Variants in PCBP2 observed in about 807,000 individuals in gnomAD.
PCBP2 encodes poly(rC)-binding protein 2.
Under a neutral mutation model 50.1 loss-of-function variants are expected in PCBP2, and 4 were observed. The observed-to-expected ratio is 0.08, with a 90% CI of 0.04 to 0.18. The LOEUF is 0.18. Ranked by LOEUF, PCBP2 falls within the 10% of genes least tolerant of loss-of-function variation. PCBP2 has a pLI of 1.00. For missense variants in PCBP2, 161 were observed against 474.3 expected (o/e 0.34, Z 6.14); for synonymous variants, 179 against 168.0 (o/e 1.07, Z -0.51).
Position 53,466,860 on chromosome 12 carries a change from GCA to G in PCBP2, c.715-358_715-357del, listed in dbSNP as rs529694002. Among the ~76,000 whole-genome samples the G allele has an allele frequency of 7.2e-5, 11 of 152,038 alleles. No homozygotes were observed. In the South Asian group the frequency reaches 2.3e-3, roughly 32 times the overall value. On this transcript the variant is annotated intron_variant, in intron 10 of 14. Transcript: ENST00000546463. ...ATGGTGTGTTTTCCCTAGCACCACTGCACAGTTTGTTTACCTAGCCTGTCTGT... is the reference window on the plus strand; with the variant it reads ...ATGGTGTGTTTTCCCTAGCACCACTGCAGTTTGTTTACCTAGCCTGTCTGT...
chr12:53,470,239 G>A (rs1592673357), intron 13 of PCBP2, among the ~76,000 whole-genome samples: 1 of 151,792 alleles, frequency 6.6e-6, no homozygotes, highest in East Asian at 2.0e-4. Flanking sequence ...TTAGCCAGGT[G>A]TGCTGGCCCG....
chr12:53,454,921 A>C, intron 2 of PCBP2, 52 bp downstream of exon 2: 2 of 1,441,508 alleles, frequency 1.4e-6, no homozygotes, highest in Non-Finnish European at 2.0e-6. Flanking sequence ...GGGAGGGGCC[A>C]GGAAGAGCAG....
intron 6 of PCBP2, chr12:53,460,398 G>GGTCCT: frequency 2.5e-6 from 1 of 393,342 alleles, no homozygotes; most frequent in Non-Finnish European, 5.2e-6. Flanking sequence ...CGACTGCCTT[G>GGTCCT]GTCTCCCAAA....
At chr12:53,454,260 A>C (rs1415965471) in intron 1 of PCBP2, 1 of 153,194 alleles carries the variant, frequency 6.5e-6, no homozygotes, top group Non-Finnish European at 1.5e-5. Context: ...CCTTATCTAC[A>C]AATTGCTACT....
In PCBP2 at chr12:53,469,867, G is replaced by A. The variant is rs746493537; in HGVS notation, c.882+1035G>A. ...AGCAATTTTCCTGCCCCAGCCTCCC[G>A]AGTAGATGGGACTACAGGCATGTGC... On this transcript the variant is annotated intron_variant, in intron 13 of 14. Coordinates refer to ENST00000546463, the MANE Select transcript of PCBP2 (RefSeq NM_031989.5). Among the ~76,000 whole-genome samples, 35 of 140,718 alleles carry A rather than the reference G, an allele frequency of 2.5e-4. 1 individual carries two copies. Among genetic ancestry groups the A allele is most frequent in the Middle Eastern group, 4.0e-3 (1 of 250 alleles). 92.3% of individuals were successfully genotyped at this position (140,718 alleles called of 152,430 possible).
At chr12:53,464,987 A>T in intron 9 of PCBP2, 135 bp downstream of exon 9, 1 of 1,068,000 alleles carries the variant, frequency 9.4e-7, no homozygotes. Context: ...ACCTGGACTG[A>T]CCCCCCCAAC....
chr12:53,461,751 C>A (rs1316606833), intron 7 of PCBP2, among the ~76,000 whole-genome samples: 1 of 151,974 alleles, frequency 6.6e-6, no homozygotes, highest in Non-Finnish European at 1.5e-5. Context: ...ACTTTGTCAC[C>A]CAGACTGGAG....
chr12:53,456,027 C>T (rs1340941350), intron 5 of PCBP2, 26 bp downstream of exon 5: 20 of 1,354,000 alleles, frequency 1.5e-5, no homozygotes, highest in Admixed American at 3.4e-5. Context: ...CTCCCTCATT[C>T]TTCATTTTTA....
At chr12:53,453,294 A>C (rs1940726602) in intron 1 of PCBP2, 1 of 151,276 alleles carries the variant, frequency 6.6e-6, no homozygotes, top group South Asian at 2.1e-4. Flanking sequence ...GTAAGGAATT[A>C]AACTACCAGG....
At chr12:53,459,129 G>C (rs1941259368) in intron 5 of PCBP2, 143 bp from the exon 6 acceptor site, 1 of 524,846 alleles carries the variant, frequency 1.9e-6, no homozygotes, top group Non-Finnish European at 3.1e-6. Flanking sequence ...AGAGGGGCAT[G>C]GTATTTGAAC....
chr12:53,457,751 T>C (rs1375205145), intron 5 of PCBP2, among the ~76,000 whole-genome samples: 1 of 152,170 alleles, frequency 6.6e-6, no homozygotes, highest in South Asian at 2.1e-4. Flanking sequence ...CTTAAGTGCT[T>C]AAGCAGTTTC....
Position 53,461,148 on chromosome 12 carries a change from G to T in PCBP2, c.504+5G>T, listed in dbSNP as rs747426326. On this transcript the variant is annotated splice_donor_5th_base_variant and intron_variant, in intron 7 of 14. Transcript: ENST00000546463. ...ATCTGCGTGGTCATGTTGGAGGTAA[G>T]CCCTCAGGCTCATGCTGAAAATGGG... The T allele has an allele frequency of 6.2e-7, 1 of 1,613,604 alleles. No individual in the cohort carries two copies. Among genetic ancestry groups the T allele is most frequent in the Non-Finnish European group, 8.5e-7 (1 of 1,179,686 alleles).
Position 53,452,159 on chromosome 12 carries a change from C to CCCGCCCTCCGCCCGCCCGCCCGCCCTCCG in PCBP2, c.-283_-255dup, listed in dbSNP as rs1490291143. The stretch of plus-strand genomic sequence containing the variant: ...CGCAGCCTGCGCCCTCTCCCGCCCG[C>CCCGCCCTCCGCCCGCCCGCCCGCCCTCCG]CCGCCCTCCGCCCGCCCGCCCGCCC... On this transcript the variant is annotated 5_prime_UTR_variant, in exon 1 of 15. Transcript: ENST00000546463. The CCCGCCCTCCGCCCGCCCGCCCGCCCTCCG allele has an allele frequency of 7.6e-6, 1 of 132,166 alleles. No homozygotes were observed. Among genetic ancestry groups the CCCGCCCTCCGCCCGCCCGCCCGCCCTCCG allele is most frequent in the Non-Finnish European group, 1.7e-5 (1 of 60,396 alleles). The allele number at this position is 132,166 out of a possible 1,614,324, so 8.2% of individuals were successfully genotyped here. A position where few individuals can be genotyped will look rare whatever the true frequency, so the allele number is the denominator to read the frequency against.
chr12:53,452,562 C>T (rs1940621714), intron 1 of PCBP2, among the ~76,000 whole-genome samples, 186 bp downstream of exon 1: 2 of 151,146 alleles, frequency 1.3e-5, no homozygotes, highest in South Asian at 2.1e-4. Flanking sequence ...GCCTAGTAGG[C>T]CTCGCGCAAG....
intron 6 of PCBP2, chr12:53,459,891 G>T (rs1171929186): frequency 6.6e-6 from 3 of 454,064 alleles, no homozygotes; most frequent in Non-Finnish European, 1.3e-5. Context: ...CTCCCAAGGA[G>T]CCGGGACTGC....
chr12:53,467,775 C>G (rs1168754699), intron 11 of PCBP2, 30 bp from the exon 12 acceptor site: 1 of 1,596,394 alleles, frequency 6.3e-7, no homozygotes, highest in Non-Finnish European at 8.6e-7. Flanking sequence ...GATGAGACCA[C>G]CAAACTCATT....
chr12:53,464,331 C>G (rs750195538), intron 8 of PCBP2: 3 of 150,566 alleles, frequency 2.0e-5, no homozygotes, highest in Non-Finnish European at 4.4e-5. Flanking sequence ...CCTCCCTCCC[C>G]TTTATTTAGT....
chr12:53,455,274 AAAAAT>A, intron 2 of PCBP2, 68 bp from the exon 3 acceptor site: 3 of 1,425,714 alleles, frequency 2.1e-6, no homozygotes, highest in Middle Eastern at 2.5e-4. Context: ...TAGAAAAAGG[AAAAAT>A]AAAATATATT....
At chr12:53,479,248 T>A (rs148212919) in intron 14 of PCBP2, among the ~76,000 whole-genome samples, 158 bp from the exon 15 acceptor site, 1 of 152,290 alleles carries the variant, frequency 6.6e-6, no homozygotes, top group Non-Finnish European at 1.5e-5. Context: ...ATTGCAAGGA[T>A]TAAAGGATCA....
Sources: allele counts gnomAD v4.1 joint callset (sites outside exome capture counted in the v4.1 genomes callset), GRCh38; gene constraint gnomAD v4.1.1; transcripts MANE v1.5; gene names NCBI Gene and HGNC (gene_info 2026-07-23, HGNC 2026-07-21).